PLEKHA3: variants seen among roughly 807,000 people sequenced by gnomAD.
PLEKHA3 encodes the protein pleckstrin homology domain-containing family A member 3.
Under a neutral mutation model 39.2 loss-of-function variants are expected in PLEKHA3, and 19 were observed. The ratio of observed to expected loss-of-function variants is 0.48; its 90% CI spans 0.34 to 0.71. PLEKHA3 has a LOEUF of 0.71. Ranked by LOEUF, PLEKHA3 falls within the 30% of genes least tolerant of loss-of-function variation. PLEKHA3 has a pLI of 0.01. For missense variants in PLEKHA3, 253 were observed against 359.5 expected (o/e 0.70, Z 2.40); for synonymous variants, 97 against 118.6 (o/e 0.82, Z 1.18).
intron 1 of PLEKHA3, chr2:178,481,784 T>C (rs1685166948): frequency 6.9e-6 from 1 of 145,244 alleles, no homozygotes; most frequent in East Asian, 2.2e-4. Flanking sequence ...CAGAATTCCA[T>C]GACCTCACTA....
In PLEKHA3 at chr2:178,503,876, T is replaced by G. The variant is rs771963694; in HGVS notation, c.892T>G (p.Phe298Val). The G allele has an allele frequency of 1.1e-5, 18 of 1,611,258 alleles. No homozygotes were observed. The highest frequency in any genetic ancestry group is 2.7e-5 in the African/African-American group (2 of 74,824). Residue 298 changes from phenylalanine to valine, a missense_variant, in exon 8 of 8, where the codon TTC (phenylalanine) becomes GTC (valine). Phe to Val is a conservative substitution (Grantham distance 50). This residue lies in a region of PLEKHA3 where 127 missense variants were observed against 136.8 expected (regional missense o/e 0.93). Coordinates refer to ENST00000234453, the MANE Select transcript of PLEKHA3 (RefSeq NM_019091.4). ...QSESEDTLPS[F>V]SS Reference sequence around the variant, plus strand: ...TGAATCAGAAGATACTCTTCCATCCTTCTCTTCCTGAAGAAACTGAAGTGT... The same window carrying G: ...TGAATCAGAAGATACTCTTCCATCCGTCTCTTCCTGAAGAAACTGAAGTGT...
chr2:178,480,844 G>T lies in PLEKHA3; in HGVS notation c.-26G>T, dbSNP rs1384834783. ...CACCGCGGCCGGCGCCGGGCCGGGA[G>T]GATGCGCGGTGTGGGGCTCTGAAGC... On this transcript the variant is annotated 5_prime_UTR_variant, in exon 1 of 8. In the 5' UTR this introduces an upstream ATG that the reference lacks. Coordinates refer to ENST00000234453, the MANE Select transcript of PLEKHA3 (RefSeq NM_019091.4). 2.3e-6 allele frequency: 3 copies of T among 1,319,158 alleles called. No individual in the cohort carries two copies. Among genetic ancestry groups the T allele is most frequent in the Non-Finnish European group, 2.9e-6 (3 of 1,025,954 alleles). 81.7% of individuals were successfully genotyped at this position (1,319,158 alleles called of 1,614,324 possible).
rs1170623334 is a variant in PLEKHA3 at position 178,480,667 on chromosome 2, C to T, written c.-203C>T. ...CCCGGGAATGTCTGGGCCCGCGCCTCGCGGCCCCCAAGCTCCACGCTGCGC... is the reference window on the plus strand; with the variant it reads ...CCCGGGAATGTCTGGGCCCGCGCCTTGCGGCCCCCAAGCTCCACGCTGCGC... On this transcript the variant is annotated 5_prime_UTR_variant, in exon 1 of 8. Transcript: ENST00000234453. The T allele has an allele frequency of 1.4e-5, 5 of 361,188 alleles. No homozygotes were observed. The highest frequency in any genetic ancestry group is 2.4e-5 in the Non-Finnish European group (5 of 207,068). 22.4% of individuals were successfully genotyped at this position (361,188 alleles called of 1,614,324 possible).
chr2:178,501,257 T>A, intron 7 of PLEKHA3, 81 bp downstream of exon 7: 2 of 963,696 alleles, frequency 2.1e-6, no homozygotes, highest in Non-Finnish European at 3.3e-6. Context: ...GGAAATGAAG[T>A]ATACTGACTG....
At chr2:178,484,622 A>G (rs993434676) in intron 1 of PLEKHA3, among the ~76,000 whole-genome samples, 3 of 152,206 alleles carry the variant, frequency 2.0e-5, no homozygotes, top group Admixed American at 1.3e-4. Flanking sequence ...ACGAACATCC[A>G]TGGTTTAAAA....
intron 1 of PLEKHA3, 29 bp downstream of exon 1, chr2:178,480,938 G>A: frequency 7.6e-7 from 1 of 1,309,388 alleles, no homozygotes; most frequent in Non-Finnish European, 9.8e-7. Flanking sequence ...TGAGGGAAGA[G>A]GGGAGAGGCG....
chr2:178,493,762 A>G (rs2154127797), intron 3 of PLEKHA3, 91 bp from the exon 4 acceptor site: 2 of 1,156,812 alleles, frequency 1.7e-6, no homozygotes, highest in Non-Finnish European at 2.4e-6. Context: ...AGGTATTTAT[A>G]TTCATTGCTT....
intron 7 of PLEKHA3, among the ~76,000 whole-genome samples, chr2:178,503,472 T>G (rs187232383): frequency 2.7e-3 from 408 of 152,066 alleles, no homozygotes; most frequent in Middle Eastern, 0.014. Flanking sequence ...AAATATTTAT[T>G]GACTACCTAT....
rs1238387832 is a variant in PLEKHA3, at chr2:178,512,798, G to T, written c.*8911G>T. On this transcript the variant is annotated 3_prime_UTR_variant, in exon 8 of 8. Transcript: ENST00000234453. ...TGGACTTAAAATTCTGAGAGAACAG[G>T]GTATTTCCCACCCTTCCTCTTACTT... The T allele has an allele frequency of 1.3e-5, 2 of 153,662 alleles. No homozygotes were observed. The highest frequency in any genetic ancestry group is 4.8e-5 in the African/African-American group (2 of 41,436). The allele number at this position is 153,662 out of a possible 1,614,324, so 9.5% of individuals were successfully genotyped here.
rs116898193 is a variant in PLEKHA3, at chr2:178,499,657, G to A, written c.659+403G>A. On this transcript the variant is annotated intron_variant, in intron 6 of 7. Coordinates refer to ENST00000234453, the MANE Select transcript of PLEKHA3 (RefSeq NM_019091.4). ...TATGTTTAGATACACAAATACCATT[G>A]TTACAGTCACCCACAACATTCAGTA... Among the ~76,000 whole-genome samples, 338 of 152,106 alleles carry A rather than the reference G, an allele frequency of 2.2e-3. 5 individuals are homozygous for A. In the East Asian group the frequency reaches 0.06, roughly 27 times the overall value.
In PLEKHA3 at chr2:178,513,733, TAG is replaced by T. The variant is rs1282118949; in HGVS notation, c.*9851_*9852del. ...AGAAGTTACCACTACTTGGTCAAAA[TAG>T]AGAGTTGTGGGTTTTTTTTTTTGTT... On this transcript the variant is annotated 3_prime_UTR_variant, in exon 8 of 8. Coordinates refer to ENST00000234453, the MANE Select transcript of PLEKHA3 (RefSeq NM_019091.4). 2.6e-5 allele frequency: 4 copies of T among 151,934 alleles called. No homozygotes were observed. The highest frequency in any genetic ancestry group is 1.3e-4 in the Admixed American group (2 of 15,262). The allele number at this position is 151,934 out of a possible 1,614,324, so 9.4% of individuals were successfully genotyped here. A position where few individuals can be genotyped will look rare whatever the true frequency, so the allele number is the denominator to read the frequency against.
chr2:178,499,577 G>C (rs758983629), intron 6 of PLEKHA3, among the ~76,000 whole-genome samples: 1 of 152,142 alleles, frequency 6.6e-6, no homozygotes, highest in African/African-American at 2.4e-5. Context: ...ATATGTGACA[G>C]TGGCCTCATA....
At chr2:178,496,146 TTCA>T (rs1363437400) in intron 5 of PLEKHA3, among the ~76,000 whole-genome samples, 1 of 152,228 alleles carries the variant, frequency 6.6e-6, no homozygotes, top group African/African-American at 2.4e-5. Context: ...CTTCAGTTTC[TTCA>T]TGTGTAAAAA....
chr2:178,495,426 A>G (rs1266843511), intron 4 of PLEKHA3, 70 bp from the exon 5 acceptor site: 3 of 1,395,460 alleles, frequency 2.1e-6, no homozygotes, highest in East Asian at 4.6e-5. Flanking sequence ...CTTATTATTT[A>G]ATGATAAGGT....
chr2:178,489,618 T>C (rs1331033034), intron 2 of PLEKHA3, among the ~76,000 whole-genome samples: 3 of 152,018 alleles, frequency 2.0e-5, no homozygotes, highest in Admixed American at 6.6e-5. Flanking sequence ...TGGGAGTACA[T>C]GCTTGCACCA....
At position 178,514,340 on chromosome 2, in the gene PLEKHA3, G is replaced by T. The variant is rs540568075; in HGVS notation, c.*10453G>T. The T allele has an allele frequency of 1.3e-5, 2 of 152,070 alleles. No individual in the cohort carries two copies. The highest frequency in any genetic ancestry group is 4.8e-5 in the African/African-American group (2 of 41,400). 9.4% of individuals were successfully genotyped at this position (152,070 alleles called of 1,614,324 possible). Reference sequence around the variant, plus strand: ...GCTTACTAAGAGGGTGTGGGGAATGGTGGCAGGGGTAACTATCATCGAGAA... The same window carrying T: ...GCTTACTAAGAGGGTGTGGGGAATGTTGGCAGGGGTAACTATCATCGAGAA... On this transcript the variant is annotated 3_prime_UTR_variant, in exon 8 of 8. Transcript: ENST00000234453.
rs1173718573 is a variant in PLEKHA3 at position 178,504,397 on chromosome 2, A to C, written c.*510A>C. ...AAAAAGGAAACACAATATTCTAAGT[A>C]TCTTTAGCCCAAATACCATGACATA... is the stretch of plus-strand genomic sequence containing the variant. On this transcript the variant is annotated 3_prime_UTR_variant, in exon 8 of 8. Coordinates refer to ENST00000234453, the MANE Select transcript of PLEKHA3 (RefSeq NM_019091.4). 1 of 153,062 alleles carries C rather than the reference A, an allele frequency of 6.5e-6. No homozygotes were observed. The highest frequency in any genetic ancestry group is 2.4e-5 in the African/African-American group (1 of 41,450). The allele number at this position is 153,062 out of a possible 1,614,324, so 9.5% of individuals were successfully genotyped here.
At chr2:178,484,699 G>A (rs181689636) in intron 1 of PLEKHA3, among the ~76,000 whole-genome samples, 2 of 152,340 alleles carry the variant, frequency 1.3e-5, no homozygotes, top group Admixed American at 1.3e-4. Context: ...AACAAGGACA[G>A]TCACACTGCT....
rs1390855142 is a variant in PLEKHA3 at position 178,503,881 on chromosome 2, T to C, written c.897T>C (p.Ser299=). ...CAGAAGATACTCTTCCATCCTTCTC[T>C]TCCTGAAGAAACTGAAGTGTCCAAC... is the stretch of plus-strand genomic sequence containing the variant. ...SESEDTLPSF[S]S Residue 299 remains serine (S), a synonymous_variant, in exon 8 of 8, where the codon TCT becomes TCC. Coordinates refer to ENST00000234453, the MANE Select transcript of PLEKHA3 (RefSeq NM_019091.4). 1.2e-6 allele frequency: 2 copies of C among 1,611,314 alleles called. No homozygotes were observed. Among genetic ancestry groups the C allele is most frequent in the Non-Finnish European group, 1.7e-6 (2 of 1,177,950 alleles).
Sources: gnomAD v4.1 joint callset for allele counts (sites outside exome capture counted in the v4.1 genomes callset) on GRCh38, gnomAD v4.1.1 for gene constraint, gnomAD v4.1.1 regional missense constraint, MANE v1.5 for transcripts, NCBI Gene and HGNC (gene_info 2026-07-23, HGNC 2026-07-21) for gene names.